Variants in CPNE4 observed in about 807,000 individuals in gnomAD.
CPNE4 encodes copine-4.
Under a neutral mutation model 67.9 loss-of-function variants are expected in CPNE4, and 25 were observed. The ratio of observed to expected loss-of-function variants is 0.37; its 90% CI spans 0.27 to 0.51. CPNE4 has a LOEUF of 0.51. Ranked by LOEUF, CPNE4 falls within the 20% of genes least tolerant of loss-of-function variation. The pLI, the probability that CPNE4 is intolerant of heterozygous loss-of-function variation, is 0.93. For missense variants in CPNE4, 464 were observed against 690.8 expected, an observed-to-expected ratio of 0.67 and a Z score of 3.68; for synonymous variants, 242 against 244.9, an observed-to-expected ratio of 0.99 and a Z score of 0.11.
chr3:131,682,814 C>G (rs1463617542), intron 6 of CPNE4, among the ~76,000 whole-genome samples: 1 of 152,062 alleles, frequency 6.6e-6, no homozygotes, highest in Non-Finnish European at 1.5e-5. Context: ...ACCTCATGCT[C>G]TATTCTACTG....
chr3:131,899,013 C>T (rs1437061480), intron 2 of CPNE4, among the ~76,000 whole-genome samples: 1 of 151,956 alleles, frequency 6.6e-6, no homozygotes, highest in South Asian at 2.1e-4. Context: ...CCCATCCAAA[C>T]CTTGCAAGTC....
At chr3:131,602,740 T>C (rs2107727129) in intron 7 of CPNE4, among the ~76,000 whole-genome samples, 1 of 152,304 alleles carries the variant, frequency 6.6e-6, no homozygotes, top group Non-Finnish European at 1.5e-5. Flanking sequence ...GAGAACTCTG[T>C]CTTCATTATC....
At chr3:131,709,135 G>C (rs2081496693) in intron 3 of CPNE4, among the ~76,000 whole-genome samples, 1 of 151,134 alleles carries the variant, frequency 6.6e-6, no homozygotes, top group African/African-American at 2.4e-5. Flanking sequence ...TTAATGGTAG[G>C]CTTTTTATTA....
chr3:131,928,141 A>G (rs1229529401), intron 1 of CPNE4, among the ~76,000 whole-genome samples: 1 of 152,170 alleles, frequency 6.6e-6, no homozygotes, highest in Non-Finnish European at 1.5e-5. Flanking sequence ...TTTATATCAG[A>G]GAAACAGGAA....
At chr3:131,583,979 G>A (rs923507009) in intron 8 of CPNE4, among the ~76,000 whole-genome samples, 1 of 152,104 alleles carries the variant, frequency 6.6e-6, no homozygotes, top group Admixed American at 6.5e-5. Context: ...AGAAGGTCTT[G>A]GAGTAGCTCT....
At chr3:131,664,234 T>C (rs1047640252) in intron 7 of CPNE4, among the ~76,000 whole-genome samples, 3 of 152,192 alleles carry the variant, frequency 2.0e-5, no homozygotes, top group African/African-American at 7.2e-5. Flanking sequence ...TATGAATAAA[T>C]ACTTGCTGAT....
intron 1 of CPNE4, among the ~76,000 whole-genome samples, chr3:131,906,011 T>C (rs892280070): frequency 6.6e-6 from 1 of 152,200 alleles, no homozygotes; most frequent in East Asian, 1.9e-4. Flanking sequence ...TGTGCCCAAA[T>C]GCACTAGCCC....
intron 1 of CPNE4, among the ~76,000 whole-genome samples, chr3:131,905,770 T>C (rs2088725102): frequency 2.0e-5 from 3 of 152,192 alleles, no homozygotes; most frequent in Admixed American, 6.5e-5. Context: ...ATCCAGCTCT[T>C]CAATAAGTGT....
intron 1 of CPNE4, among the ~76,000 whole-genome samples, chr3:132,019,273 T>C (rs1045738341): frequency 6.6e-6 from 1 of 152,102 alleles, no homozygotes; most frequent in South Asian, 2.1e-4. Flanking sequence ...AATATTAGCA[T>C]CTTCACTTCC....
intron 2 of CPNE4, among the ~76,000 whole-genome samples, chr3:131,832,372 C>A (rs79667884): frequency 0.024 from 3,582 of 152,218 alleles, 127 homozygotes; most frequent in African/African-American, 0.08. Flanking sequence ...AGATCATCTA[C>A]CTCATGGTTT....
intron 3 of CPNE4, among the ~76,000 whole-genome samples, chr3:131,702,840 C>T (rs1192719670): frequency 1.3e-5 from 2 of 152,228 alleles, no homozygotes; most frequent in African/African-American, 2.4e-5. Flanking sequence ...TGTATGCCAG[C>T]TTTTGCCTTT....
chr3:131,842,427 G>A (rs1286580759), intron 2 of CPNE4, among the ~76,000 whole-genome samples: 1 of 152,168 alleles, frequency 6.6e-6, no homozygotes, highest in African/African-American at 2.4e-5. Context: ...ATGACTGCAT[G>A]AGAACTGGAC....
chr3:132,020,525 A>G lies in CPNE4; in HGVS notation c.-2+14042T>C, dbSNP rs116332177. 7.2e-3 allele frequency among the ~76,000 whole-genome samples: 1,097 copies of G among 152,328 alleles called. 16 individuals carry two copies. The highest frequency in any genetic ancestry group is 0.025 in the African/African-American group (1,037 of 41,562). Reference sequence around the variant, plus strand: ...CAGTTCCTGAAGGGTGGCATAGTATATGCTTTGAATTGGGAGTCAGCTACC... The same window carrying G: ...CAGTTCCTGAAGGGTGGCATAGTATGTGCTTTGAATTGGGAGTCAGCTACC... On this transcript the variant is annotated intron_variant, in intron 1 of 15. Transcript: ENST00000429747.
intron 5 of CPNE4, among the ~76,000 whole-genome samples, chr3:131,687,228 A>G (rs1161522998): frequency 6.6e-6 from 1 of 152,182 alleles, no homozygotes; most frequent in Non-Finnish European, 1.5e-5. Flanking sequence ...ATTGTTGGGA[A>G]TGGAACCTAT....
At chr3:131,985,055 CTGAGAGT>C (rs1471333496) in intron 1 of CPNE4, among the ~76,000 whole-genome samples, 4 of 152,186 alleles carry the variant, frequency 2.6e-5, no homozygotes, top group African/African-American at 9.7e-5. Context: ...GTTCTGGATA[CTGAGAGT>C]CTGCGATCAG....
chr3:132,008,226 G>C (rs932890011), intron 1 of CPNE4, among the ~76,000 whole-genome samples: 1 of 152,118 alleles, frequency 6.6e-6, no homozygotes, highest in Non-Finnish European at 1.5e-5. Context: ...ACCCAGTCTC[G>C]AGTGAAATGG....
At chr3:131,792,089 G>T (rs1359711884) in intron 2 of CPNE4, among the ~76,000 whole-genome samples, 1 of 152,094 alleles carries the variant, frequency 6.6e-6, no homozygotes, top group African/African-American at 2.4e-5. Context: ...ACATGAGGCA[G>T]GAATGGTTGC....
At chr3:131,972,908 T>C (rs11919377) in intron 1 of CPNE4, among the ~76,000 whole-genome samples, 10,448 of 152,262 alleles carry the variant, frequency 0.069, 1,124 homozygotes, top group African/African-American at 0.23. Flanking sequence ...AAAGCACTAA[T>C]ACAATCGGTT....
Position 131,708,398 on chromosome 3 carries a change from A to G in CPNE4, c.361-8418T>C, listed in dbSNP as rs2081466645. The stretch of plus-strand genomic sequence containing the variant: ...AGTCATACAAGTGGAATTAATATCT[A>G]GAGAATGCTGAATACATGAGTCTGG... On this transcript the variant is annotated intron_variant, in intron 3 of 15. Transcript: ENST00000429747. Among the ~76,000 whole-genome samples the G allele has an allele frequency of 2.6e-5, 4 of 152,190 alleles. No homozygotes were observed. The South Asian group carries it at 8.3e-4, about 32-fold the overall frequency.
Sources: gnomAD v4.1 joint callset for allele counts (sites outside exome capture counted in the v4.1 genomes callset) on GRCh38, gnomAD v4.1.1 for gene constraint, MANE v1.5 for transcripts, NCBI Gene and HGNC (gene_info 2026-07-23, HGNC 2026-07-21) for gene names.